Variants in FREM1 observed in about 807,000 individuals in gnomAD.
FREM1 encodes the protein FRAS1 related extracellular matrix 1, also known as FRAS1-related extracellular matrix protein 1.
In FREM1, 220 loss-of-function variants were observed where a neutral mutation model predicts 210.1. The ratio of observed to expected loss-of-function variants is 1.05; its 90% confidence interval spans 0.94 to 1.17. The LOEUF (loss-of-function observed/expected upper bound fraction) is 1.17, where lower values mean the gene tolerates loss of function less well. Among genes scored for constraint, FREM1 ranks in the 50% most tolerant of loss-of-function variants. FREM1 has a pLI of 0.00. For synonymous variants in FREM1, 1,189 were observed against 980.2 expected (o/e 1.21, Z -3.98); for missense variants, 3,454 against 2,675.5 (o/e 1.29, Z -6.42).
intron 5 of FREM1, among the ~76,000 whole-genome samples, chr9:14,855,613 T>C (rs1029155195): frequency 1.2e-4 from 18 of 152,126 alleles, no homozygotes; most frequent in African/African-American, 4.3e-4. Flanking sequence ...ATGGTAAAAA[T>C]ACAGCTATAT....
At chr9:14,792,670 T>G (rs191206119) in intron 22 of FREM1, 73 bp downstream of exon 22, 2 of 1,143,546 alleles carry the variant, frequency 1.7e-6, no homozygotes, top group Non-Finnish European at 2.4e-6. Context: ...AATCCCATCA[T>G]AGAAATGTGT....
intron 6 of FREM1, chr9:14,850,378 A>G: frequency 6.7e-6 from 1 of 149,010 alleles, no homozygotes; most frequent in East Asian, 1.9e-4. Flanking sequence ...ATTCCCATAA[A>G]AAGCTCTCAC....
chr9:14,873,595 T>C (rs1000047312), intron 1 of FREM1, among the ~76,000 whole-genome samples: 5 of 152,232 alleles, frequency 3.3e-5, no homozygotes, highest in African/African-American at 1.2e-4. Flanking sequence ...CTATCAATTT[T>C]GTTGATCCTT....
intron 24 of FREM1, chr9:14,782,269 A>G: frequency 2.0e-6 from 1 of 495,242 alleles, no homozygotes; most frequent in Non-Finnish European, 2.6e-6. Flanking sequence ...AATGCCATCT[A>G]ATAAGACTTT....
At chr9:14,871,219 A>G (rs878960269) in intron 1 of FREM1, among the ~76,000 whole-genome samples, 4 of 152,146 alleles carry the variant, frequency 2.6e-5, no homozygotes, top group East Asian at 1.9e-4. Context: ...AGATCCCTGA[A>G]GAATCACCAC....
Position 14,812,935 on chromosome 9 carries a change from A to C in FREM1, c.2770T>G (p.Leu924Val). 1 of 1,613,932 alleles carries C rather than the reference A, an allele frequency of 6.2e-7. No individual in the cohort carries two copies. The highest frequency in any genetic ancestry group is 8.5e-7 in the Non-Finnish European group (1 of 1,179,862). The change falls in exon 16 of 37, where the codon TTG becomes GTG. Residue 924 changes from leucine (L) to valine (V), a missense_variant. By Grantham distance (32) the Leu-to-Val change is conservative (BLOSUM62 1). Coordinates refer to ENST00000380880, the MANE Select transcript of FREM1 (RefSeq NM_001379081.2). ...IFATDVDSDN[L>V]KLMFVIAREP... is the part of the protein sequence containing the mutation. ...CGAGCAATCACAAACATCAACTTCA[A>C]GTTATCGCTGTCCACATCAGTAGCA...
rs1820876372 is a variant in FREM1 at position 14,819,435 on chromosome 9, G to C, written c.2345C>G (p.Thr782Ser). The C allele has an allele frequency of 1.2e-6, 2 of 1,607,706 alleles. No homozygotes were observed. The highest frequency in any genetic ancestry group is 1.7e-5 in the Admixed American group (1 of 59,830). The change falls in exon 14 of 37, where the codon ACC becomes AGC. Residue 782 changes from threonine (T) to serine (S), a missense_variant. Thr to Ser is a moderately conservative substitution (Grantham distance 58, BLOSUM62 1). Transcript: ENST00000380880. The stretch of plus-strand genomic sequence containing the variant: ...TCCCTCAGTCACTTTCAGAGGGTTG[G>C]TGAACGCCTAGAAAGAAGAAAGGAA... ...PVDNQVPEAFTNPLKVTEGGQ... is the reference protein window; with the variant it reads ...PVDNQVPEAFSNPLKVTEGGQ...
Position 14,740,226 on chromosome 9 carries a change from C to G in FREM1, c.6263G>C (p.Gly2088Ala). 1.9e-6 allele frequency: 3 copies of G among 1,611,756 alleles called. No individual in the cohort carries two copies. The highest frequency in any genetic ancestry group is 1.7e-6 in the Non-Finnish European group (2 of 1,178,366). The change falls in exon 36 of 37, where the codon GGC becomes GCC. Residue 2088 changes from glycine (G) to alanine (A), a missense_variant. Transcript: ENST00000380880. ...AAQACREQYL[G>A]NLVTVFSRQH... is the part of the protein sequence containing the mutation. The stretch of plus-strand genomic sequence containing the variant: ...CCTGGAGAATACAGTTACAAGGTTG[C>G]CCAGGTATCTAAATGCAAATGAAAA...
At chr9:14,857,891 G>A (rs192301536) in intron 4 of FREM1, 142 bp from the exon 5 acceptor site, 1 of 529,548 alleles carries the variant, frequency 1.9e-6, no homozygotes, top group Admixed American at 3.6e-5. Flanking sequence ...TTCACTGAGT[G>A]GGTTGTCATT....
At chr9:14,811,943 A>C (rs1399936333) in intron 16 of FREM1, among the ~76,000 whole-genome samples, 7 of 152,194 alleles carry the variant, frequency 4.6e-5, no homozygotes, top group Admixed American at 3.9e-4. Context: ...AGGAAATTGC[A>C]CTACAGTACA....
At position 14,812,853 on chromosome 9, in the gene FREM1, T is replaced by G; in HGVS notation, c.2852A>C (p.Gln951Pro). ...RAGVTVDQFS[Q>P]RDVISEAVTY... ...CACGGCCTCTGAGATAACATCTCTC[T>G]GAGAGAACTGATCCACTGTGACTCC... Residue 951 changes from glutamine (Q) to proline (P), a missense_variant, in exon 16 of 37, where the codon CAG (glutamine) becomes CCG (proline). Coordinates refer to ENST00000380880, the MANE Select transcript of FREM1 (RefSeq NM_001379081.2). 6.2e-7 allele frequency: 1 copy of G among 1,613,744 alleles called. No homozygotes were observed. The highest frequency in any genetic ancestry group is 8.5e-7 in the Non-Finnish European group (1 of 1,179,716).
chr9:14,818,213 T>C (rs1464239347), intron 14 of FREM1, among the ~76,000 whole-genome samples: 2 of 152,256 alleles, frequency 1.3e-5, no homozygotes, highest in Non-Finnish European at 2.9e-5. Flanking sequence ...GTACTGTTTA[T>C]CCATCATTCA....
At chr9:14,904,169 G>T (rs1043393145) in intron 1 of FREM1, among the ~76,000 whole-genome samples, 1 of 146,880 alleles carries the variant, frequency 6.8e-6, no homozygotes, top group Non-Finnish European at 1.5e-5. Flanking sequence ...CTGGGTTATA[G>T]AGACTAGTGA....
chr9:14,806,340 C>G (rs142599860), intron 18 of FREM1, among the ~76,000 whole-genome samples: 1,508 of 150,030 alleles, frequency 0.01, 11 homozygotes, highest in Non-Finnish European at 0.016. Context: ...ACTGCAACCT[C>G]TGCCTCCTGG....
intron 21 of FREM1, among the ~76,000 whole-genome samples, chr9:14,794,879 T>G (rs1233331523): frequency 6.6e-6 from 1 of 151,698 alleles, no homozygotes; most frequent in East Asian, 1.9e-4. Context: ...GCGCCTGTAG[T>G]CCCAGCTACT....
intron 35 of FREM1, among the ~76,000 whole-genome samples, chr9:14,742,462 G>T (rs1841748600): frequency 6.6e-6 from 1 of 152,100 alleles, no homozygotes; most frequent in Non-Finnish European, 1.5e-5. Flanking sequence ...TAGGAGTCTG[G>T]CTCCTTTGAC....
chr9:14,773,376 T>C (rs920222394), intron 25 of FREM1, among the ~76,000 whole-genome samples: 1 of 152,148 alleles, frequency 6.6e-6, no homozygotes, highest in Non-Finnish European at 1.5e-5. Context: ...TTACCCATAG[T>C]TGGGAGACTT....
At chr9:14,842,760 T>A in intron 8 of FREM1, 100 bp from the exon 9 acceptor site, 1 of 808,618 alleles carries the variant, frequency 1.2e-6, no homozygotes, top group East Asian at 2.5e-5. Context: ...AAGGAAAGTG[T>A]GCAGCCCGTA....
intron 24 of FREM1, among the ~76,000 whole-genome samples, chr9:14,780,433 G>GGAAAAAAAAAAAAA (rs533265481): frequency 1.2e-5 from 1 of 81,536 alleles, no homozygotes; most frequent in African/African-American, 4.3e-5. Flanking sequence ...CAGCTCCTCA[G>GGAAAAAAAAAAAAA]AAAAAAAAAA....
Sources: gnomAD v4.1 joint callset for allele counts (sites outside exome capture counted in the v4.1 genomes callset) on GRCh38, gnomAD v4.1.1 for gene constraint, MANE v1.5 for transcripts, NCBI Gene and HGNC (gene_info 2026-07-23, HGNC 2026-07-21) for gene names.